Variants in CDKAL1 observed in about 807,000 individuals in gnomAD.
The protein encoded by CDKAL1 is CDKAL1 threonylcarbamoyladenosine tRNA methylthiotransferase.
CDKAL1 carries 32 observed loss-of-function variants against 68.2 expected under a neutral mutation model. The ratio of observed to expected loss-of-function variants is 0.47; its 90% CI spans 0.35 to 0.63. The LOEUF (loss-of-function observed/expected upper bound fraction) is 0.63. Ranked by LOEUF, CDKAL1 falls within the 30% of genes least tolerant of loss-of-function variation. The probability of loss-of-function intolerance (pLI) is 0.00; values close to 1 mark genes in which losing one functional copy is unlikely to be tolerated. For missense variants in CDKAL1, 606 were observed against 696.7 expected (o/e 0.87, Z 1.47); for synonymous variants, 234 against 244.3 (o/e 0.96, Z 0.39).
At chr6:20,576,130 A>G (rs1764899161) in intron 4 of CDKAL1, among the ~76,000 whole-genome samples, 1 of 152,228 alleles carries the variant, frequency 6.6e-6, no homozygotes, top group African/African-American at 2.4e-5. Flanking sequence ...CAAAACTCTG[A>G]TTTAAAGATC....
intron 13 of CDKAL1, among the ~76,000 whole-genome samples, chr6:21,173,765 G>A (rs1777478836): frequency 6.6e-6 from 1 of 152,096 alleles, no homozygotes; most frequent in African/African-American, 2.4e-5. Flanking sequence ...CTAACTACAA[G>A]ATACCATCAA....
intron 9 of CDKAL1, among the ~76,000 whole-genome samples, chr6:20,930,486 T>C (rs1246364265): frequency 6.6e-6 from 1 of 152,196 alleles, no homozygotes; most frequent in East Asian, 1.9e-4. Context: ...CAAATGGAAA[T>C]TCCAGAGTAA....
chr6:20,842,850 A>T (rs938097483), intron 8 of CDKAL1, among the ~76,000 whole-genome samples: 17 of 152,166 alleles, frequency 1.1e-4, no homozygotes, highest in African/African-American at 4.1e-4. Flanking sequence ...ACAAACAAAA[A>T]ATCAAAAAAT....
intron 7 of CDKAL1, among the ~76,000 whole-genome samples, chr6:20,760,523 C>A (rs1156617230): frequency 6.6e-6 from 1 of 152,096 alleles, no homozygotes; most frequent in Admixed American, 6.5e-5. Context: ...CCTAATTTTG[C>A]AGAGGACCAA....
intron 4 of CDKAL1, among the ~76,000 whole-genome samples, chr6:20,629,350 T>C (rs79680232): frequency 0.13 from 20,320 of 152,224 alleles, 1,734 homozygotes; most frequent in South Asian, 0.26. Flanking sequence ...ATTGGTGATG[T>C]TAACTTTGAT....
chr6:21,150,346 A>C (rs1443535196), intron 13 of CDKAL1, among the ~76,000 whole-genome samples: 1 of 152,184 alleles, frequency 6.6e-6, no homozygotes, highest in Non-Finnish European at 1.5e-5. Context: ...GCCTTGCTAA[A>C]AATCAAAACT....
intron 5 of CDKAL1, among the ~76,000 whole-genome samples, chr6:20,719,775 A>G (rs1203218412): frequency 6.6e-6 from 1 of 152,166 alleles, no homozygotes; most frequent in African/African-American, 2.4e-5. Context: ...AAACCCTTTT[A>G]TGTTCCCCAT....
At chr6:20,969,157 G>T (rs1765468289) in intron 10 of CDKAL1, among the ~76,000 whole-genome samples, 1 of 152,110 alleles carries the variant, frequency 6.6e-6, no homozygotes, top group Non-Finnish European at 1.5e-5. Flanking sequence ...CCCCCTCAGT[G>T]CAGTCAAAAA....
intron 5 of CDKAL1, among the ~76,000 whole-genome samples, chr6:20,681,736 G>A (rs1223392468): frequency 6.6e-6 from 1 of 152,174 alleles, no homozygotes; most frequent in African/African-American, 2.4e-5. Flanking sequence ...CACTCCAGAA[G>A]CGAGAGATGG....
intron 9 of CDKAL1, among the ~76,000 whole-genome samples, chr6:20,931,367 G>A (rs146053643): frequency 7.3e-4 from 111 of 152,276 alleles, no homozygotes; most frequent in Middle Eastern, 3.4e-3. Context: ...TAAGAATCCA[G>A]TGTCACCATA....
At chr6:20,772,542 A>G (rs1214816609) in intron 7 of CDKAL1, among the ~76,000 whole-genome samples, 1 of 152,236 alleles carries the variant, frequency 6.6e-6, no homozygotes, top group African/African-American at 2.4e-5. Flanking sequence ...TCTCCATTAG[A>G]CTAAAAGGAC....
chr6:20,837,744 T>TATTATAATA (rs371080778), intron 8 of CDKAL1, among the ~76,000 whole-genome samples: 33 of 148,052 alleles, frequency 2.2e-4, no homozygotes, highest in African/African-American at 7.8e-4. Flanking sequence ...CACTTCAGCA[T>TATTATAATA]ATAATAATAA....
intron 4 of CDKAL1, among the ~76,000 whole-genome samples, chr6:20,643,390 A>G (rs1768281022): frequency 6.6e-6 from 1 of 152,214 alleles, no homozygotes; most frequent in South Asian, 2.1e-4. Context: ...TTATTTTATT[A>G]TTTATTCCAC....
intron 12 of CDKAL1, among the ~76,000 whole-genome samples, chr6:21,088,252 C>A (rs1169869830): frequency 6.6e-6 from 1 of 152,134 alleles, no homozygotes; most frequent in East Asian, 1.9e-4. Flanking sequence ...TCTGGGTCAA[C>A]AGAGATCTGG....
chr6:21,139,080 A>G (rs1240279828), intron 13 of CDKAL1, among the ~76,000 whole-genome samples: 1 of 152,240 alleles, frequency 6.6e-6, no homozygotes, highest in African/African-American at 2.4e-5. Context: ...TTAGCAGAAG[A>G]GTTGGGATTT....
intron 4 of CDKAL1, among the ~76,000 whole-genome samples, chr6:20,626,251 A>G (rs1039221347): frequency 2.6e-5 from 4 of 152,126 alleles, no homozygotes; most frequent in Non-Finnish European, 4.4e-5. Context: ...GTGTTAGGAG[A>G]CATCATCCCT....
At chr6:20,681,215 A>G (rs566522331) in intron 5 of CDKAL1, among the ~76,000 whole-genome samples, 4 of 152,328 alleles carry the variant, frequency 2.6e-5, no homozygotes, top group African/African-American at 7.2e-5. Context: ...TGTAAAGAAC[A>G]TTGTAGAAGG....
intron 12 of CDKAL1, among the ~76,000 whole-genome samples, chr6:21,093,315 C>T (rs752751241): frequency 1.7e-4 from 26 of 152,170 alleles, no homozygotes; most frequent in Non-Finnish European, 3.5e-4. Context: ...TTTGTACCCA[C>T]CAAAGTATTC....
At chr6:20,963,786 T>C (rs1765169457) in intron 10 of CDKAL1, among the ~76,000 whole-genome samples, 1 of 152,184 alleles carries the variant, frequency 6.6e-6, no homozygotes, top group African/African-American at 2.4e-5. Context: ...CAGAGACCTA[T>C]CTTATGTGCT....
Sources: gnomAD v4.1 joint callset for allele counts (sites outside exome capture counted in the v4.1 genomes callset) on GRCh38, gnomAD v4.1.1 for gene constraint, MANE v1.5 for transcripts, NCBI Gene and HGNC (gene_info 2026-07-23, HGNC 2026-07-21) for gene names.